Variants in FAM50B observed in about 807,000 individuals in gnomAD.
The protein encoded by FAM50B is protein FAM50B.
In FAM50B, 9 loss-of-function variants were observed where a neutral mutation model predicts 25.4. That is an observed-to-expected ratio of 0.35 (90% CI 0.21 to 0.62). The LOEUF is 0.62. FAM50B is among the 20% of genes least tolerant of loss of function. The pLI is 0.73. For missense variants in FAM50B, 372 were observed against 477.9 expected (o/e 0.78, Z 2.07); for synonymous variants, 212 against 204.3 (o/e 1.04, Z -0.32).
the FAM50B span, among the ~76,000 whole-genome samples, chr6:3,835,572 T>C: frequency 6.6e-6 from 1 of 151,974 alleles, no homozygotes; most frequent in African/African-American, 2.4e-5. Flanking sequence ...GAGTTTGGAG[T>C]CTCTAGAGAA....
chr6:3,842,460 A>G, the FAM50B span, among the ~76,000 whole-genome samples: 2 of 152,198 alleles, frequency 1.3e-5, no homozygotes, highest in East Asian at 1.9e-4. Context: ...CATTTAGTAC[A>G]TGTGCTATTC....
upstream of FAM50B, among the ~76,000 whole-genome samples, chr6:3,846,342 T>A (rs1056992489): frequency 1.3e-5 from 2 of 152,250 alleles, no homozygotes; most frequent in Non-Finnish European, 2.9e-5. Context: ...TATACTATAC[T>A]ATAGTCTAGT....
At position 3,850,465 on chromosome 6, in the gene FAM50B, G is replaced by C; in HGVS notation, c.654G>C (p.Gln218His). ...TVQQFLKKAL[Q>H]GLRKDFLELR... ...AGCAGTTCCTGAAGAAGGCGCTGCA[G>C]GGGCTGCGCAAGGACTTCCTGGAGC... Residue 218 changes from glutamine (Q) to histidine (H), a missense_variant, in exon 2 of 2, where the codon CAG becomes CAC. By Grantham distance (24) the Gln-to-His change is conservative. This residue lies in a region of FAM50B where 224 missense variants were observed against 232.2 expected (regional missense o/e 0.96). Coordinates refer to ENST00000648326, the MANE Select transcript of FAM50B (RefSeq NM_012135.3). 1.2e-6 allele frequency: 2 copies of C among 1,613,588 alleles called. No individual in the cohort carries two copies. Among genetic ancestry groups the C allele is most frequent in the Non-Finnish European group, 1.7e-6 (2 of 1,180,008 alleles).
At chr6:3,849,508 C>G in intron 1 of FAM50B, 22 bp downstream of exon 1, 1 of 378,600 alleles carries the variant, frequency 2.6e-6, no homozygotes, top group South Asian at 4.0e-5. Flanking sequence ...CTCAGTAGCC[C>G]AACCCTCTCT....
the FAM50B span, among the ~76,000 whole-genome samples, chr6:3,841,202 T>C: frequency 1.3e-5 from 2 of 152,224 alleles, no homozygotes; most frequent in African/African-American, 4.8e-5. Flanking sequence ...GTATCTTCCA[T>C]GTTTACAAGC....
upstream of FAM50B, among the ~76,000 whole-genome samples, chr6:3,847,318 C>G (rs1386903509): frequency 6.6e-6 from 1 of 152,242 alleles, no homozygotes; most frequent in Non-Finnish European, 1.5e-5. Flanking sequence ...AGGGTAGCCT[C>G]CGTCATCAGT....
rs1433066440 is a variant in FAM50B at position 3,849,650 on chromosome 6, G to T, written c.-23-139G>T. On this transcript the variant is annotated intron_variant, in intron 1 of 1. Coordinates refer to ENST00000648326, the MANE Select transcript of FAM50B (RefSeq NM_012135.3). ...GGTGCCTGGTGACACTGTCAGGTTG[G>T]TGGTTACCCTAGCAGGTCGGCCCAG... The T allele has an allele frequency of 2.4e-6, 3 of 1,276,142 alleles. No individual in the cohort carries two copies. In the East Asian group the frequency reaches 7.8e-5, roughly 33 times the overall value. The allele number at this position is 1,276,142 out of a possible 1,614,324, so 79.1% of individuals were successfully genotyped here.
the FAM50B span, among the ~76,000 whole-genome samples, chr6:3,839,445 A>G: frequency 2.0e-5 from 3 of 152,112 alleles, no homozygotes; most frequent in Non-Finnish European, 4.4e-5. Context: ...TATCCAAACT[A>G]CAGCGGTGTG....
the FAM50B span, among the ~76,000 whole-genome samples, chr6:3,836,810 C>T: frequency 3.9e-5 from 6 of 152,114 alleles, no homozygotes; most frequent in Non-Finnish European, 7.3e-5. Context: ...CAGAATGTGC[C>T]AAGGAGCCTG....
At chr6:3,840,416 T>G in the FAM50B span, among the ~76,000 whole-genome samples, 426 of 151,842 alleles carry the variant, frequency 2.8e-3, 2 homozygotes, top group African/African-American at 8.9e-3. Context: ...GAGGTTGCAG[T>G]GAGCCGAGAT....
chr6:3,845,696 G>A (rs775578722), upstream of FAM50B, among the ~76,000 whole-genome samples: 7 of 152,136 alleles, frequency 4.6e-5, no homozygotes, highest in East Asian at 1.9e-4. Context: ...GAAAGAGTAC[G>A]TCCAGAGGTA....
the FAM50B span, among the ~76,000 whole-genome samples, chr6:3,842,435 G>A: frequency 6.6e-6 from 1 of 152,182 alleles, no homozygotes; most frequent in African/African-American, 2.4e-5. Flanking sequence ...CAGTGGGAGG[G>A]GGACATTCCT....
the FAM50B span, among the ~76,000 whole-genome samples, chr6:3,841,715 A>G: frequency 6.6e-6 from 1 of 152,216 alleles, no homozygotes; most frequent in East Asian, 1.9e-4. Flanking sequence ...GCACTTTCCT[A>G]TCTTAGAATT....
chr6:3,849,671 CCCAGCCCCTGAACGCTT>C, intron 1 of FAM50B, 101 bp from the exon 2 acceptor site: 1 of 1,407,782 alleles, frequency 7.1e-7, no homozygotes, highest in Non-Finnish European at 9.3e-7. Context: ...AGCAGGTCGG[CCCAGCCCCTGAACGCTT>C]CCATCACTGC....
chr6:3,840,481 CA>C, the FAM50B span, among the ~76,000 whole-genome samples: 110,274 of 151,738 alleles, frequency 0.73, 40,744 homozygotes, highest in African/African-American at 0.85. Context: ...CTCAAAAAAA[CA>C]AAAAAAACAT....
the FAM50B span, among the ~76,000 whole-genome samples, chr6:3,836,633 C>T: frequency 1.3e-5 from 2 of 152,296 alleles, no homozygotes; most frequent in South Asian, 2.1e-4. Context: ...AGTAGACTCT[C>T]GAACTATTAC....
chr6:3,841,276 A>T, the FAM50B span, among the ~76,000 whole-genome samples: 1 of 152,226 alleles, frequency 6.6e-6, no homozygotes, highest in African/African-American at 2.4e-5. Context: ...ACCACAGATG[A>T]TAATGCAATT....
upstream of FAM50B, among the ~76,000 whole-genome samples, chr6:3,846,721 C>A (rs760252922): frequency 2.6e-5 from 4 of 152,206 alleles, no homozygotes; most frequent in Non-Finnish European, 5.9e-5. Flanking sequence ...GTGGTGAATG[C>A]CTTCCAGAAA....
chr6:3,850,221 G>A lies in FAM50B; in HGVS notation c.410G>A (p.Arg137Lys), dbSNP rs776304566. Residue 137 changes from arginine to lysine, a missense_variant, in exon 2 of 2, where the codon AGG becomes AAG. By Grantham distance (26) the Arg-to-Lys change is conservative. Transcript: ENST00000648326. ...GACCAGGCCGACGCGGCCGAGGCCA[G>A]GCGCGCCGGAAACCTGGGCAAGAAC... Reference protein sequence around the residue: ...LDDQADAAEARRAGNLGKNPD... With the variant: ...LDDQADAAEAKRAGNLGKNPD... The A allele has an allele frequency of 6.2e-7, 1 of 1,613,316 alleles. No individual in the cohort carries two copies. The highest frequency in any genetic ancestry group is 8.5e-7 in the Non-Finnish European group (1 of 1,179,854).
Sources: allele counts gnomAD v4.1 joint callset (sites outside exome capture counted in the v4.1 genomes callset), GRCh38; gene constraint gnomAD v4.1.1; regional missense constraint gnomAD v4.1.1; transcripts MANE v1.5; gene names NCBI Gene and HGNC (gene_info 2026-07-23, HGNC 2026-07-21).